The following SLC7A8 variants were observed in gnomAD, a reference collection of about 807,000 sequenced individuals.
SLC7A8 encodes the protein solute carrier family 7 member 8.
SLC7A8 carries 30 observed loss-of-function variants against 51.2 expected under a neutral mutation model. That is an observed-to-expected ratio of 0.59 (90% confidence interval 0.44 to 0.80). The LOEUF is 0.80. Ranked by LOEUF, SLC7A8 falls within the 30% of genes least tolerant of loss-of-function variation. The probability of loss-of-function intolerance (pLI) is 0.00; values close to 1 mark genes in which losing one functional copy is unlikely to be tolerated. For missense variants in SLC7A8, 612 were observed against 674.4 expected, an observed-to-expected ratio of 0.91 and a Z score of 1.03; for synonymous variants, 257 against 275.8, an observed-to-expected ratio of 0.93 and a Z score of 0.67.
intron 6 of SLC7A8, 136 bp from the exon 7 acceptor site, chr14:23,138,160 C>T (rs1322830930): frequency 1.1e-5 from 12 of 1,112,146 alleles, no homozygotes; most frequent in South Asian, 3.1e-5. Flanking sequence ...CTTAATTGCC[C>T]CCACCCTCTC....
chr14:23,183,011 T>C lies in SLC7A8; in HGVS notation c.-97A>G, dbSNP rs1877254573. 1 of 1,520,990 alleles carries C rather than the reference T, an allele frequency of 6.6e-7. No individual in the cohort carries two copies. The highest frequency in any genetic ancestry group is 1.4e-5 in the African/African-American group (1 of 72,644). The allele number at this position is 1,520,990 out of a possible 1,614,324, so 94.2% of individuals were successfully genotyped here. Reference sequence around the variant, plus strand: ...AGAGAGCTTTGAATTAGAACGTCCTTTTCCGAAATAGGAACCACTGCTACT... The same window carrying C: ...AGAGAGCTTTGAATTAGAACGTCCTCTTCCGAAATAGGAACCACTGCTACT... On this transcript the variant is annotated 5_prime_UTR_variant, in exon 1 of 11. Coordinates refer to ENST00000316902, the MANE Select transcript of SLC7A8 (RefSeq NM_012244.4).
At chr14:23,129,523 A>G (rs2048611545) in intron 9 of SLC7A8, 127 bp downstream of exon 9, 1 of 1,150,032 alleles carries the variant, frequency 8.7e-7, no homozygotes, top group South Asian at 1.5e-5. Context: ...TTGCTTTCCA[A>G]AGGGTCTGCT....
intron 1 of SLC7A8, among the ~76,000 whole-genome samples, chr14:23,180,082 T>G (rs1331367183): frequency 2.0e-5 from 3 of 148,012 alleles, no homozygotes; most frequent in Non-Finnish European, 4.5e-5. Flanking sequence ...ATTTTTTGTA[T>G]TTTTTAGTAG....
chr14:23,155,554 T>C, intron 3 of SLC7A8: 2 of 1,209,580 alleles, frequency 1.7e-6, no homozygotes, highest in Non-Finnish European at 2.1e-6. Flanking sequence ...ACATGGCTCC[T>C]CAGCTGGCCT....
chr14:23,150,701 G>A (rs1382626963), intron 3 of SLC7A8, among the ~76,000 whole-genome samples: 1 of 152,188 alleles, frequency 6.6e-6, no homozygotes, highest in Non-Finnish European at 1.5e-5. Context: ...GTCAAAAAGA[G>A]CATGTGATTT....
rs763258746 is a variant in SLC7A8, at chr14:23,137,982, G to C, written c.955C>G (p.Pro319Ala). 1.2e-6 allele frequency: 2 copies of C among 1,613,988 alleles called. No homozygotes were observed. The highest frequency in any genetic ancestry group is 1.7e-6 in the Non-Finnish European group (2 of 1,180,002). ...KLLGVMAWIM[P>A]ISVALSTFGG... ...AATGTGGACAGGGCAACAGAAATGG[G>C]CATGATCCAGGCCATGACTCCTAGG... Residue 319 changes from proline (P) to alanine (A), a missense_variant, in exon 7 of 11, where the codon CCC becomes GCC. By Grantham distance (27) the Pro-to-Ala change is conservative. Transcript: ENST00000316902.
At chr14:23,146,055 C>G (rs1311163207) in intron 3 of SLC7A8, among the ~76,000 whole-genome samples, 4 of 152,210 alleles carry the variant, frequency 2.6e-5, no homozygotes, top group Non-Finnish European at 5.9e-5. Context: ...CAACCTAAGT[C>G]ACTCTAAACA....
At chr14:23,141,439 T>C (rs1216715543) in intron 4 of SLC7A8, among the ~76,000 whole-genome samples, 1 of 152,230 alleles carries the variant, frequency 6.6e-6, no homozygotes, top group Admixed American at 6.5e-5. Flanking sequence ...AGGTGTGTGT[T>C]TGGTCTCTCT....
In SLC7A8 at chr14:23,140,568, T is replaced by C. The variant is rs373969140; in HGVS notation, c.691A>G (p.Ile231Val). Residue 231 changes from isoleucine (I) to valine (V), a missense_variant, in exon 5 of 11, where the codon ATC becomes GTC. Transcript: ENST00000316902. The part of the protein sequence containing the change: ...NAFENFQEPD[I>V]GLVALAFLQG... ...AGGAAAGCCAGTGCGACGAGGCCGA[T>C]GTCAGGTTCCTGGAAATTCTCAAAT... 16 of 1,614,014 alleles carry C rather than the reference T, an allele frequency of 9.9e-6. No individual in the cohort carries two copies. In the African/African-American group the frequency reaches 1.3e-4, roughly 13 times the overall value.
At chr14:23,180,507 T>C (rs574046560) in intron 1 of SLC7A8, among the ~76,000 whole-genome samples, 1 of 152,184 alleles carries the variant, frequency 6.6e-6, no homozygotes, top group South Asian at 2.1e-4. Flanking sequence ...CTACAAGGAT[T>C]CTCATGTTTT....
intron 1 of SLC7A8, among the ~76,000 whole-genome samples, chr14:23,182,331 A>AT (rs1777185815): frequency 6.6e-6 from 1 of 152,234 alleles, no homozygotes; most frequent in Admixed American, 6.5e-5. Flanking sequence ...TTCATTTAAC[A>AT]TAAAACTGCA....
chr14:23,156,295 G>C (rs1162175402), intron 3 of SLC7A8: 1 of 152,198 alleles, frequency 6.6e-6, no homozygotes, highest in Non-Finnish European at 1.5e-5. Context: ...ACTGCGCCCG[G>C]ATATTTTTCT....
At chr14:23,145,299 TG>T (rs1164072379) in intron 3 of SLC7A8, among the ~76,000 whole-genome samples, 1 of 150,808 alleles carries the variant, frequency 6.6e-6, no homozygotes, top group Non-Finnish European at 1.5e-5. Flanking sequence ...GAGGTCAAGG[TG>T]GGCAGATCAT....
intron 1 of SLC7A8, 53 bp from the exon 2 acceptor site, chr14:23,166,593 G>A: frequency 6.3e-7 from 1 of 1,586,920 alleles, no homozygotes; most frequent in Non-Finnish European, 8.6e-7. Flanking sequence ...AGGACGGTTG[G>A]CAGGATTGGC....
At chr14:23,173,330 C>T (rs1449419997) in intron 1 of SLC7A8, among the ~76,000 whole-genome samples, 1 of 152,200 alleles carries the variant, frequency 6.6e-6, no homozygotes, top group Non-Finnish European at 1.5e-5. Flanking sequence ...TCAGAAAAGT[C>T]TTCCTGGGAG....
intron 7 of SLC7A8, among the ~76,000 whole-genome samples, chr14:23,135,196 T>G (rs2048677824): frequency 6.6e-6 from 1 of 152,216 alleles, no homozygotes; most frequent in East Asian, 1.9e-4. Context: ...CAAGTGATTC[T>G]TCTGCCTCAG....
At position 23,152,702 on chromosome 14, in the gene SLC7A8, G is replaced by A. The variant is rs187808669; in HGVS notation, c.509-9498C>T. On this transcript the variant is annotated intron_variant, in intron 3 of 10. Coordinates refer to ENST00000316902, the MANE Select transcript of SLC7A8 (RefSeq NM_012244.4). ...AGTGCTGCGATTACAGGCATGAGCCGCCACACCCGGTGATGTTTTCAGGTG... is the reference window on the plus strand; with the variant it reads ...AGTGCTGCGATTACAGGCATGAGCCACCACACCCGGTGATGTTTTCAGGTG... Among the ~76,000 whole-genome samples, 339 of 152,168 alleles carry A rather than the reference G, an allele frequency of 2.2e-3. 2 individuals are homozygous for A. Among genetic ancestry groups the A allele is most frequent in the African/African-American group, 7.6e-3 (314 of 41,524 alleles).
Position 23,165,382 on chromosome 14 carries a change from G to C in SLC7A8, c.411C>G (p.Val137=), listed in dbSNP as rs1284731778. ...CGTAGTTGGAGAAGGTGAGGGCGAT[G>C]ACAGCCTGGTTGGTGGGGTAGATCA... The part of the protein sequence containing the change: ...VLVIYPTNQA[V]IALTFSNYVL... The change falls in exon 3 of 11, where the codon GTC becomes GTG. Residue 137 remains valine, a synonymous_variant. Transcript: ENST00000316902. This position sits in a 1 kb window ranked among gnomAD's most constrained non-coding sequence, Gnocchi z 4.2. 1 of 1,602,646 alleles carries C rather than the reference G, an allele frequency of 6.2e-7. No individual in the cohort carries two copies. The highest frequency in any genetic ancestry group is 1.7e-5 in the Admixed American group (1 of 57,584).
In SLC7A8 at chr14:23,127,038, C is replaced by CT. The variant is rs2048583472; in HGVS notation, c.*138_*139insA. The CT allele has an allele frequency of 9.5e-7, 1 of 1,052,812 alleles. No homozygotes were observed. Among genetic ancestry groups the CT allele is most frequent in the Non-Finnish European group, 1.4e-6 (1 of 721,974 alleles). The allele number at this position is 1,052,812 out of a possible 1,614,324, so 65.2% of individuals were successfully genotyped here. A position where few individuals can be genotyped will look rare whatever the true frequency, so the allele number is the denominator to read the frequency against. On this transcript the variant is annotated 3_prime_UTR_variant, in exon 11 of 11. Transcript: ENST00000316902. ...TCAGTTTTTGTTTACAATTTCTCAC[C>CT]ACCCACACCAAAGTCCTACCACTGC... is the stretch of plus-strand genomic sequence containing the variant.
Sources: allele counts gnomAD v4.1 joint callset (sites outside exome capture counted in the v4.1 genomes callset), GRCh38; gene constraint gnomAD v4.1.1; non-coding constraint Gnocchi (gnomAD v3.1); transcripts MANE v1.5; gene names NCBI Gene and HGNC (gene_info 2026-07-23, HGNC 2026-07-21).